Variants in CAMK1D observed in about 807,000 individuals in gnomAD.
CAMK1D encodes the protein calcium/calmodulin dependent protein kinase ID.
CAMK1D carries 9 observed loss-of-function variants against 47.7 expected under a neutral mutation model. That is an observed-to-expected ratio of 0.19 (90% CI 0.11 to 0.33). CAMK1D has a LOEUF of 0.33. CAMK1D is among the 10% of genes least tolerant of loss of function. The pLI is 1.00. For missense variants in CAMK1D, 291 were observed against 488.7 expected (o/e 0.60, Z 3.81); for synonymous variants, 184 against 184.9 (o/e 0.99, Z 0.04).
At chr10:12,401,096 T>C (rs1459588136) in intron 1 of CAMK1D, among the ~76,000 whole-genome samples, 2 of 76,368 alleles carry the variant, frequency 2.6e-5, no homozygotes, top group Non-Finnish European at 4.6e-5. Flanking sequence ...TTATATATAT[T>C]ATATATATAT....
At chr10:12,366,041 A>G (rs1837824268) in intron 1 of CAMK1D, among the ~76,000 whole-genome samples, 2 of 152,060 alleles carry the variant, frequency 1.3e-5, no homozygotes, top group Non-Finnish European at 2.9e-5. Flanking sequence ...GGGTGACAGA[A>G]TGAGACTCCG....
At chr10:12,395,312 C>T (rs1208288428) in intron 1 of CAMK1D, among the ~76,000 whole-genome samples, 2 of 151,832 alleles carry the variant, frequency 1.3e-5, no homozygotes, top group Non-Finnish European at 2.9e-5. Context: ...CCTGCAGCCC[C>T]CGCCTCCGCA....
chr10:12,441,820 A>G (rs1588489401), intron 1 of CAMK1D, among the ~76,000 whole-genome samples: 1 of 152,022 alleles, frequency 6.6e-6, no homozygotes, highest in East Asian at 1.9e-4. Flanking sequence ...TAAAAAGTCA[A>G]ACTCTTCCCC....
At position 12,672,896 on chromosome 10, in the gene CAMK1D, C is replaced by CTTTTTTTTTTTTTTTTTT. The variant is rs750447013; in HGVS notation, c.299+6088_299+6105dup. On this transcript the variant is annotated intron_variant, in intron 3 of 10. Transcript: ENST00000619168. ...CATGTAAGTTTTAGAATAGGCTTGC[C>CTTTTTTTTTTTTTTTTTT]TTTTTTTTTTTTTTTTTTTAGTCAG... Among the ~76,000 whole-genome samples the CTTTTTTTTTTTTTTTTTT allele has an allele frequency of 4.2e-4, 32 of 76,496 alleles. 1 individual carries two copies. Among genetic ancestry groups the CTTTTTTTTTTTTTTTTTT allele is most frequent in the Non-Finnish European group, 5.2e-4 (22 of 42,592 alleles). 50.2% of individuals were successfully genotyped at this position (76,496 alleles called of 152,430 possible).
At chr10:12,655,733 CA>C (rs1282491342) in intron 2 of CAMK1D, among the ~76,000 whole-genome samples, 1 of 152,180 alleles carries the variant, frequency 6.6e-6, no homozygotes, top group African/African-American at 2.4e-5. Context: ...TAGACAAGAG[CA>C]AATCACTTGG....
At chr10:12,792,714 G>A (rs60206116) in intron 6 of CAMK1D, among the ~76,000 whole-genome samples, 111 of 152,266 alleles carry the variant, frequency 7.3e-4, no homozygotes, top group African/African-American at 2.5e-3. Flanking sequence ...GATTCTTGTC[G>A]TTATCACAGG....
chr10:12,802,529 T>C (rs1406369456), intron 6 of CAMK1D, among the ~76,000 whole-genome samples: 2 of 152,188 alleles, frequency 1.3e-5, no homozygotes, highest in African/African-American at 2.4e-5. Flanking sequence ...TTCATTTCTT[T>C]CTTTTTTTTG....
At chr10:12,725,497 C>T (rs531434920) in intron 3 of CAMK1D, 1 of 154,280 alleles carries the variant, frequency 6.5e-6, no homozygotes, top group Admixed American at 6.5e-5. Flanking sequence ...TGAATCCAAA[C>T]ATGATTTCTA....
chr10:12,793,239 T>C (rs1331180806), intron 6 of CAMK1D, among the ~76,000 whole-genome samples: 1 of 152,210 alleles, frequency 6.6e-6, no homozygotes, highest in Non-Finnish European at 1.5e-5. Context: ...CTGGGGAAAG[T>C]AGCCCTTTTT....
At chr10:12,380,639 C>T (rs527357477) in intron 1 of CAMK1D, among the ~76,000 whole-genome samples, 17 of 152,124 alleles carry the variant, frequency 1.1e-4, no homozygotes, top group South Asian at 8.3e-4. Flanking sequence ...GGGCGGATCA[C>T]GAGGTCAGAG....
intron 2 of CAMK1D, among the ~76,000 whole-genome samples, chr10:12,601,081 G>C (rs1238068007): frequency 6.6e-6 from 1 of 152,150 alleles, no homozygotes; most frequent in Non-Finnish European, 1.5e-5. Context: ...GGGTGGTGCG[G>C]TGGTAGACAT....
At chr10:12,749,443 T>TTA (rs755474486) in intron 3 of CAMK1D, among the ~76,000 whole-genome samples, 2 of 119,258 alleles carry the variant, frequency 1.7e-5, no homozygotes, top group Non-Finnish European at 3.4e-5. Context: ...GCTAGAAAGT[T>TTA]AAAAAAAAAA....
intron 10 of CAMK1D, 46 bp downstream of exon 10, chr10:12,825,736 G>A (rs1357508595): frequency 1.2e-6 from 2 of 1,613,232 alleles, no homozygotes; most frequent in Non-Finnish European, 1.7e-6. Context: ...CACTGAAGAC[G>A]AGCCTGGGGT....
intron 1 of CAMK1D, among the ~76,000 whole-genome samples, chr10:12,465,443 C>T (rs566197819): frequency 6.6e-5 from 10 of 151,786 alleles, no homozygotes; most frequent in African/African-American, 2.4e-4. Flanking sequence ...CAAGCTCTGC[C>T]TGCCAGGTTC....
chr10:12,383,501 A>G (rs1838402657), intron 1 of CAMK1D, among the ~76,000 whole-genome samples: 1 of 152,208 alleles, frequency 6.6e-6, no homozygotes, highest in Admixed American at 6.5e-5. Flanking sequence ...TTATTTCACC[A>G]CAGACATTGG....
intron 3 of CAMK1D, among the ~76,000 whole-genome samples, chr10:12,721,239 AT>A (rs1452869435): frequency 1.3e-5 from 2 of 152,234 alleles, no homozygotes; most frequent in African/African-American, 2.4e-5. Flanking sequence ...TCGATAAGTA[AT>A]TCGAGACCAG....
intron 3 of CAMK1D, among the ~76,000 whole-genome samples, chr10:12,698,775 C>T (rs770259670): frequency 2.1e-5 from 3 of 141,250 alleles, no homozygotes; most frequent in Admixed American, 7.9e-5. Context: ...TGGATTGAAG[C>T]GATTCTCCTG....
At chr10:12,818,969 C>T (rs1225863409) in intron 8 of CAMK1D, among the ~76,000 whole-genome samples, 1 of 152,184 alleles carries the variant, frequency 6.6e-6, no homozygotes, top group East Asian at 1.9e-4. Context: ...CATATTAGGC[C>T]TTTAAAGCTG....
At chr10:12,687,671 G>A (rs1428775973) in intron 3 of CAMK1D, among the ~76,000 whole-genome samples, 2 of 152,192 alleles carry the variant, frequency 1.3e-5, no homozygotes, top group Non-Finnish European at 2.9e-5. Context: ...AGGACAGGAG[G>A]CATCATTTGC....
Sources: gnomAD v4.1 joint callset for allele counts (sites outside exome capture counted in the v4.1 genomes callset) on GRCh38, gnomAD v4.1.1 for gene constraint, MANE v1.5 for transcripts, NCBI Gene and HGNC (gene_info 2026-07-23, HGNC 2026-07-21) for gene names.